ADD1: variants seen among roughly 807,000 people sequenced by gnomAD.
ADD1 encodes the protein adducin 1.
In ADD1, 24 loss-of-function variants were observed where a neutral mutation model predicts 80.5. The ratio of observed to expected loss-of-function variants is 0.30; its 90% confidence interval spans 0.22 to 0.42. The LOEUF (loss-of-function observed/expected upper bound fraction) is 0.42, where lower values mean the gene tolerates loss of function less well. Among genes scored for constraint, ADD1 ranks in the 10% least tolerant of loss-of-function variants. The probability of loss-of-function intolerance (pLI) is 1.00; values close to 1 mark genes in which losing one functional copy is unlikely to be tolerated. For synonymous variants in ADD1, 373 were observed against 393.8 expected (o/e 0.95, Z 0.63); for missense variants, 948 against 1,019.0 (o/e 0.93, Z 0.95).
At chr4:2,904,014 T>G (rs892753818) in intron 9 of ADD1, among the ~76,000 whole-genome samples, 6 of 152,228 alleles carry the variant, frequency 3.9e-5, no homozygotes, top group African/African-American at 1.4e-4. Context: ...TTACCTTACT[T>G]ACCTAAAGAT....
intron 1 of ADD1, among the ~76,000 whole-genome samples, chr4:2,860,084 G>A (rs1728637821): frequency 6.6e-6 from 1 of 152,030 alleles, no homozygotes; most frequent in Admixed American, 6.6e-5. Context: ...TCCTGACTTA[G>A]CTGAGTCTTC....
chr4:2,919,908 C>CT (rs1287522026), intron 14 of ADD1, among the ~76,000 whole-genome samples: 8 of 152,074 alleles, frequency 5.3e-5, no homozygotes, highest in Non-Finnish European at 1.2e-4. Context: ...TCTTTCTTCT[C>CT]TAATTCTTTT....
At chr4:2,869,689 A>G (rs990293065) in intron 1 of ADD1, among the ~76,000 whole-genome samples, 1 of 152,130 alleles carries the variant, frequency 6.6e-6, no homozygotes. Flanking sequence ...TTTGTTTGTT[A>G]TCTCCTGCTC....
intron 1 of ADD1, among the ~76,000 whole-genome samples, chr4:2,852,195 T>TTCCTTTCTTCCTTTC (rs1560138288): frequency 1.8e-5 from 2 of 110,026 alleles, no homozygotes; most frequent in African/African-American, 7.3e-5. Context: ...TCTTTCTTTC[T>TTCCTTTCTTCCTTTC]TTCCTTTCTT....
intron 4 of ADD1, among the ~76,000 whole-genome samples, chr4:2,885,776 A>G (rs1286835287): frequency 2.0e-5 from 3 of 150,298 alleles, no homozygotes; most frequent in African/African-American, 7.5e-5. Flanking sequence ...CGCCTGGCTA[A>G]TTTTTTTGTA....
chr4:2,885,426 T>C (rs1053988242), intron 4 of ADD1, among the ~76,000 whole-genome samples: 3 of 152,192 alleles, frequency 2.0e-5, no homozygotes, highest in African/African-American at 7.2e-5. Flanking sequence ...TATTTAAGCC[T>C]TCTCTACTAT....
At chr4:2,918,218 C>T (rs184967467) in intron 14 of ADD1, among the ~76,000 whole-genome samples, 240 of 152,244 alleles carry the variant, frequency 1.6e-3, no homozygotes, top group African/African-American at 5.6e-3. Flanking sequence ...TAGTTCTCCT[C>T]GAAGAGGTCT....
At position 2,876,058 on chromosome 4, in the gene ADD1, A is replaced by G; in HGVS notation, c.143A>G (p.Asp48Gly). 1 of 1,614,114 alleles carries G rather than the reference A, an allele frequency of 6.2e-7. No homozygotes were observed. The highest frequency in any genetic ancestry group is 8.5e-7 in the Non-Finnish European group (1 of 1,180,004). The change falls in exon 2 of 16, where the codon GAC becomes GGC. Residue 48 changes from aspartate (D) to glycine (G), a missense_variant. Physicochemically the swap from Asp to Gly is moderately conservative, Grantham distance 94. Coordinates refer to ENST00000683351, the MANE Select transcript of ADD1 (RefSeq NM_001354761.2). ...ERNMAPDLRQ[D>G]FNMMEQKKRV... ...AACATGGCACCAGACCTTCGCCAGG[A>G]CTTCAACATGATGGAGCAAAAGAAG...
At chr4:2,885,662 T>A (rs997392460) in intron 4 of ADD1, among the ~76,000 whole-genome samples, 1 of 151,764 alleles carries the variant, frequency 6.6e-6, no homozygotes, top group Non-Finnish European at 1.5e-5. Flanking sequence ...CAGGCTGGAG[T>A]GCAGTGGTGC....
intron 1 of ADD1, among the ~76,000 whole-genome samples, chr4:2,848,169 C>T (rs571538268): frequency 1.3e-5 from 2 of 150,778 alleles, no homozygotes; most frequent in East Asian, 3.9e-4. Context: ...GAGTTGAGAT[C>T]GTGCCATTGC....
intron 1 of ADD1, among the ~76,000 whole-genome samples, chr4:2,848,856 A>G (rs764936180): frequency 2.6e-5 from 4 of 152,200 alleles, no homozygotes; most frequent in Admixed American, 6.5e-5. Context: ...AGGTACATCT[A>G]TAAATACATT....
At chr4:2,898,816 G>A (rs561649772) in intron 8 of ADD1, 3 of 447,880 alleles carry the variant, frequency 6.7e-6, no homozygotes, top group African/African-American at 2.0e-5. Context: ...CAGGTGCTTA[G>A]TGTGTGTCAT....
At position 2,884,713 on chromosome 4, in the gene ADD1, G is replaced by T. The variant is rs745452586; in HGVS notation, c.510+47G>T. ...AACTGAACGATAAATGAAATATTTT[G>T]TGTCTGGCACCACCTCTTTCCATTT... On this transcript the variant is annotated intron_variant, in intron 4 of 15. Transcript: ENST00000683351. 9.8e-6 allele frequency: 15 copies of T among 1,527,310 alleles called. No individual in the cohort carries two copies. The South Asian group carries it at 1.4e-4, about 14-fold the overall frequency. 94.6% of individuals were successfully genotyped at this position (1,527,310 alleles called of 1,614,324 possible).
chr4:2,870,931 CTG>C (rs1730326464), intron 1 of ADD1, among the ~76,000 whole-genome samples: 2 of 120,604 alleles, frequency 1.7e-5, no homozygotes, highest in Non-Finnish European at 3.5e-5. Flanking sequence ...AGAAACTATG[CTG>C]CATGCTGTTT....
At chr4:2,906,393 CA>C (rs111722982) in intron 10 of ADD1, among the ~76,000 whole-genome samples, 96 of 137,374 alleles carry the variant, frequency 7.0e-4, no homozygotes, top group East Asian at 1.0e-3. Context: ...CGTTATAAAA[CA>C]AAAAAAAAAA....
chr4:2,852,768 G>T (rs992425428), intron 1 of ADD1, among the ~76,000 whole-genome samples: 5 of 137,740 alleles, frequency 3.6e-5, no homozygotes, highest in Non-Finnish European at 7.6e-5. Flanking sequence ...GTGCGATCTT[G>T]GCTCTCACTG....
intron 1 of ADD1, among the ~76,000 whole-genome samples, chr4:2,845,550 T>C (rs1172712277): frequency 6.6e-6 from 1 of 152,202 alleles, no homozygotes; most frequent in Non-Finnish European, 1.5e-5. Flanking sequence ...GTGGTGTCTT[T>C]AGGTTTTAAA....
intron 1 of ADD1, among the ~76,000 whole-genome samples, chr4:2,858,178 T>A (rs1728345223): frequency 6.6e-6 from 1 of 152,176 alleles, no homozygotes; most frequent in Admixed American, 6.5e-5. Context: ...AGACAGTTAA[T>A]TAGTGTCCAT....
chr4:2,916,734 G>T (rs1481317220), intron 14 of ADD1, among the ~76,000 whole-genome samples: 1 of 152,084 alleles, frequency 6.6e-6, no homozygotes, highest in East Asian at 1.9e-4. Flanking sequence ...CCTTCCCTGT[G>T]TCCATGTGTT....
Sources: gnomAD v4.1 joint callset for allele counts (sites outside exome capture counted in the v4.1 genomes callset) on GRCh38, gnomAD v4.1.1 for gene constraint, MANE v1.5 for transcripts, NCBI Gene and HGNC (gene_info 2026-07-23, HGNC 2026-07-21) for gene names.